The following IPCEF1 variants were observed in gnomAD, a reference collection of about 807,000 sequenced individuals.
IPCEF1 encodes interaction protein for cytohesin exchange factors 1.
A neutral mutation model predicts 50.9 loss-of-function variants in IPCEF1; 31 were observed. That is an observed-to-expected ratio of 0.61 (90% CI 0.46 to 0.82). The LOEUF is 0.82. Ranked by LOEUF, IPCEF1 falls within the 40% of genes least tolerant of loss-of-function variation. The probability of loss-of-function intolerance (pLI) is 0.00; values close to 1 mark genes in which losing one functional copy is unlikely to be tolerated. For missense variants in IPCEF1, 458 were observed against 514.0 expected, an observed-to-expected ratio of 0.89 and a Z score of 1.05; for synonymous variants, 181 against 192.0, an observed-to-expected ratio of 0.94 and a Z score of 0.47.
At chr6:154,292,725 C>T (rs376214033) in intron 1 of IPCEF1, among the ~76,000 whole-genome samples, 2 of 152,132 alleles carry the variant, frequency 1.3e-5, no homozygotes, top group East Asian at 1.9e-4. Flanking sequence ...TTTATCTAAA[C>T]ATTTTTTCAA....
intron 1 of IPCEF1, among the ~76,000 whole-genome samples, chr6:154,291,328 T>C (rs1052317306): frequency 5.3e-5 from 8 of 152,232 alleles, no homozygotes; most frequent in Non-Finnish European, 1.2e-4. Flanking sequence ...TAGGAAAACA[T>C]GTTCTGCAAA....
chr6:154,307,083 C>T (rs564384351), intron 1 of IPCEF1, among the ~76,000 whole-genome samples: 1 of 152,260 alleles, frequency 6.6e-6, no homozygotes, highest in South Asian at 2.1e-4. Context: ...CTAATGACCT[C>T]ATTTTAACTT....
At chr6:154,246,486 C>T (rs1019270904) in intron 5 of IPCEF1, 105 bp downstream of exon 5, 77 of 1,312,870 alleles carry the variant, frequency 5.9e-5, no homozygotes, top group Non-Finnish European at 7.9e-5. Flanking sequence ...TTACTCCGCT[C>T]CAATTCCCAG....
chr6:154,354,150 G>A (rs17085352), intron 1 of IPCEF1, among the ~76,000 whole-genome samples: 6,779 of 152,146 alleles, frequency 0.045, 479 homozygotes, highest in African/African-American at 0.15. Context: ...TTATAGGTTC[G>A]GAGGTCACAG....
intron 9 of IPCEF1, among the ~76,000 whole-genome samples, chr6:154,204,091 G>A (rs535397461): frequency 6.6e-6 from 1 of 152,160 alleles, no homozygotes; most frequent in Non-Finnish European, 1.5e-5. Flanking sequence ...GGAAGTTAAA[G>A]ACATTTCAAA....
intron 1 of IPCEF1, among the ~76,000 whole-genome samples, chr6:154,307,120 T>C (rs1408457371): frequency 6.6e-6 from 1 of 152,156 alleles, no homozygotes; most frequent in Non-Finnish European, 1.5e-5. Flanking sequence ...GCCCTGCCTA[T>C]CTCCAAATAC....
chr6:154,232,969 CTTTTTTT>C (rs780567029), intron 5 of IPCEF1, among the ~76,000 whole-genome samples: 1 of 134,616 alleles, frequency 7.4e-6, no homozygotes, highest in South Asian at 2.4e-4. Context: ...TTTTTCTTTT[CTTTTTTT>C]TTTTTTTTTG....
In IPCEF1 at chr6:154,328,394, C is replaced by A. The variant is rs116349246; in HGVS notation, c.-62+28278G>T. 9.2e-3 allele frequency among the ~76,000 whole-genome samples: 1,395 copies of A among 152,148 alleles called. 14 individuals are homozygous for A. Among genetic ancestry groups the A allele is most frequent in the African/African-American group, 0.02 (845 of 41,484 alleles). Reference sequence around the variant, plus strand: ...AAATTTCTCCTAAATAAAAAATATTCCCCACCTTGGAGATTTACAACACCT... The same window carrying A: ...AAATTTCTCCTAAATAAAAAATATTACCCACCTTGGAGATTTACAACACCT... On this transcript the variant is annotated intron_variant, in intron 1 of 11. Transcript: ENST00000367220.
At chr6:154,290,173 G>T (rs756440574) in intron 1 of IPCEF1, among the ~76,000 whole-genome samples, 1 of 152,096 alleles carries the variant, frequency 6.6e-6, no homozygotes, top group Non-Finnish European at 1.5e-5. Context: ...TGTACTAAAG[G>T]GCAAAATGGC....
intron 9 of IPCEF1, among the ~76,000 whole-genome samples, chr6:154,203,881 T>C (rs1469946491): frequency 6.6e-6 from 1 of 152,110 alleles, no homozygotes. Flanking sequence ...CTCCCTGAAA[T>C]CCTCCATAAA....
intron 1 of IPCEF1, among the ~76,000 whole-genome samples, chr6:154,314,647 G>A (rs1783167784): frequency 1.3e-5 from 2 of 151,932 alleles, no homozygotes. Flanking sequence ...TTGAATTCTC[G>A]TATCTATTGA....
At chr6:154,208,395 C>T (rs943498287) in intron 9 of IPCEF1, among the ~76,000 whole-genome samples, 15 of 152,168 alleles carry the variant, frequency 9.9e-5, no homozygotes, top group African/African-American at 3.6e-4. Flanking sequence ...CTCAGTCGGA[C>T]GTGTCCTGGC....
At position 154,206,426 on chromosome 6, in the gene IPCEF1, C is replaced by T. The variant is rs138446101; in HGVS notation, c.537+6344G>A. Among the ~76,000 whole-genome samples the T allele has an allele frequency of 5.9e-5, 9 of 152,336 alleles. No homozygotes were observed. The East Asian group carries it at 1.5e-3, about 26-fold the overall frequency. On this transcript the variant is annotated intron_variant, in intron 9 of 11. Coordinates refer to ENST00000367220, the MANE Select transcript of IPCEF1 (RefSeq NM_001130700.2). ...TGGATGAAGTCACAATAATCACTCACCCATCCATCTGTCCATTAAATGTTT... is the reference window on the plus strand; with the variant it reads ...TGGATGAAGTCACAATAATCACTCATCCATCCATCTGTCCATTAAATGTTT...
At chr6:154,333,740 T>G (rs964747988) in intron 1 of IPCEF1, among the ~76,000 whole-genome samples, 1 of 151,586 alleles carries the variant, frequency 6.6e-6, no homozygotes, top group Admixed American at 6.6e-5. Context: ...TGTGTATGTA[T>G]ATATATGTGT....
At chr6:154,164,267 G>T (rs1385714469) in intron 11 of IPCEF1, among the ~76,000 whole-genome samples, 1 of 152,158 alleles carries the variant, frequency 6.6e-6, no homozygotes, top group Non-Finnish European at 1.5e-5. Flanking sequence ...TTTTAGAACA[G>T]GGTCTCTTCA....
chr6:154,265,019 T>G (rs1462579411), intron 3 of IPCEF1, among the ~76,000 whole-genome samples: 1 of 152,218 alleles, frequency 6.6e-6, no homozygotes, highest in African/African-American at 2.4e-5. Flanking sequence ...CTTTTAGCTC[T>G]GCTCCTCAAA....
Position 154,309,917 on chromosome 6 carries a change from C to T in IPCEF1, c.-61-20161G>A, listed in dbSNP as rs530092205. 7.3e-4 allele frequency among the ~76,000 whole-genome samples: 111 copies of T among 152,198 alleles called. 1 individual carries two copies. Among genetic ancestry groups the T allele is most frequent in the African/African-American group, 2.4e-3 (100 of 41,552 alleles). On this transcript the variant is annotated intron_variant, in intron 1 of 11. Coordinates refer to ENST00000367220, the MANE Select transcript of IPCEF1 (RefSeq NM_001130700.2). ...TAGCTGGGATTACAGGCGCATGCCACCACGCCTGGCTAATTTTTGTATTTT... is the reference window on the plus strand; with the variant it reads ...TAGCTGGGATTACAGGCGCATGCCATCACGCCTGGCTAATTTTTGTATTTT...
At chr6:154,334,504 T>A (rs536943824) in intron 1 of IPCEF1, among the ~76,000 whole-genome samples, 1 of 152,302 alleles carries the variant, frequency 6.6e-6, no homozygotes, top group South Asian at 2.1e-4. Context: ...CCCACCCAAG[T>A]GCAAGGCTAA....
At position 154,222,080 on chromosome 6, in the gene IPCEF1, G is replaced by A. The variant is rs188658631; in HGVS notation, c.321-752C>T. 2.2e-3 allele frequency among the ~76,000 whole-genome samples: 340 copies of A among 152,242 alleles called. 1 individual carries two copies. The highest frequency in any genetic ancestry group is 8.0e-3 in the African/African-American group (331 of 41,536). ...AAGAATTTTTATAGGAGAATAATCA[G>A]GTATGGAACGTCCACTCTGCAGCAA... On this transcript the variant is annotated intron_variant, in intron 6 of 11. Coordinates refer to ENST00000367220, the MANE Select transcript of IPCEF1 (RefSeq NM_001130700.2).
Sources: gnomAD v4.1 joint callset for allele counts (sites outside exome capture counted in the v4.1 genomes callset) on GRCh38, gnomAD v4.1.1 for gene constraint, MANE v1.5 for transcripts, NCBI Gene and HGNC (gene_info 2026-07-23, HGNC 2026-07-21) for gene names.